ZRANB3: variants seen among roughly 807,000 people sequenced by gnomAD.
The protein encoded by ZRANB3 is zinc finger RANBP2-type containing 3.
In ZRANB3, 125 loss-of-function variants were observed where a neutral mutation model predicts 133.8. That is an observed-to-expected ratio of 0.93 (90% CI 0.81 to 1.08). The LOEUF is 1.08. ZRANB3 is among the 50% of genes least tolerant of loss of function. The pLI is 0.00. For missense variants in ZRANB3, 1,229 were observed against 1,275.5 expected, an observed-to-expected ratio of 0.96 and a Z score of 0.56; for synonymous variants, 387 against 432.7, an observed-to-expected ratio of 0.89 and a Z score of 1.31.
intron 13 of ZRANB3, among the ~76,000 whole-genome samples, chr2:135,229,614 G>A (rs1047026646): frequency 1.3e-4 from 20 of 152,034 alleles, no homozygotes; most frequent in Non-Finnish European, 2.4e-4. Context: ...TGATCCGCCC[G>A]CCTCGGCCTC....
intron 3 of ZRANB3, among the ~76,000 whole-genome samples, chr2:135,388,125 AT>A (rs1379964341): frequency 2.0e-5 from 3 of 152,206 alleles, no homozygotes; most frequent in Non-Finnish European, 4.4e-5. Flanking sequence ...GTAAGGTCAC[AT>A]CTTTTACACT....
chr2:135,256,485 G>A (rs1442825440), intron 12 of ZRANB3, among the ~76,000 whole-genome samples: 3 of 152,102 alleles, frequency 2.0e-5, no homozygotes, highest in African/African-American at 4.8e-5. Context: ...CAAGCCACCA[G>A]GCCCAGCTAA....
intron 12 of ZRANB3, among the ~76,000 whole-genome samples, chr2:135,232,917 C>G (rs1695101767): frequency 6.6e-6 from 1 of 152,180 alleles, no homozygotes; most frequent in African/African-American, 2.4e-5. Context: ...GAGCTCCTCA[C>G]CAGCAACGGA....
chr2:135,467,843 G>A (rs1691066828), intron 2 of ZRANB3, among the ~76,000 whole-genome samples: 3 of 152,230 alleles, frequency 2.0e-5, no homozygotes, highest in South Asian at 4.1e-4. Flanking sequence ...CACTGGCTTG[G>A]AATCAAAATG....
intron 2 of ZRANB3, among the ~76,000 whole-genome samples, chr2:135,403,425 G>A (rs1687839573): frequency 6.6e-6 from 1 of 152,220 alleles, no homozygotes; most frequent in East Asian, 1.9e-4. Flanking sequence ...CGCCATTGCG[G>A]AGGCTTGAGT....
chr2:135,392,061 CCTTT>C (rs1345018280), intron 2 of ZRANB3, among the ~76,000 whole-genome samples: 1 of 151,932 alleles, frequency 6.6e-6, no homozygotes, highest in Non-Finnish European at 1.5e-5. Context: ...ATCGGGTGTT[CCTTT>C]GAGACAGCAA....
chr2:135,266,495 G>A (rs1025589759), intron 11 of ZRANB3, among the ~76,000 whole-genome samples: 2 of 151,848 alleles, frequency 1.3e-5, no homozygotes, highest in South Asian at 2.1e-4. Context: ...GGCCAGGAGC[G>A]GTGGCTCATG....
chr2:135,491,210 T>G (rs1458920968), intron 2 of ZRANB3, among the ~76,000 whole-genome samples: 1 of 152,126 alleles, frequency 6.6e-6, no homozygotes, highest in Non-Finnish European at 1.5e-5. Flanking sequence ...ACTTAACTAT[T>G]TAAATAATCT....
chr2:135,491,284 G>A (rs1396448591), intron 2 of ZRANB3, among the ~76,000 whole-genome samples: 1 of 151,998 alleles, frequency 6.6e-6, no homozygotes, highest in Non-Finnish European at 1.5e-5. Flanking sequence ...CCTAACAGAA[G>A]GTAAAAGGGA....
intron 17 of ZRANB3, among the ~76,000 whole-genome samples, chr2:135,209,471 A>C (rs923190792): frequency 6.6e-6 from 1 of 152,222 alleles, no homozygotes; most frequent in East Asian, 1.9e-4. Flanking sequence ...ACCAGGTTCA[A>C]TCACATCTTC....
intron 12 of ZRANB3, among the ~76,000 whole-genome samples, chr2:135,232,847 AAC>A (rs1695097533): frequency 6.6e-6 from 1 of 152,176 alleles, no homozygotes; most frequent in South Asian, 2.1e-4. Flanking sequence ...ATGGGGAAAA[AAC>A]AGAGCAGAAA....
chr2:135,488,160 C>G (rs986519599), intron 2 of ZRANB3, among the ~76,000 whole-genome samples: 1 of 152,114 alleles, frequency 6.6e-6, no homozygotes, highest in Non-Finnish European at 1.5e-5. Context: ...GTCGGTGGAG[C>G]AGTTAGAACA....
chr2:135,277,581 T>G (rs1349490743), intron 8 of ZRANB3, among the ~76,000 whole-genome samples: 1 of 152,100 alleles, frequency 6.6e-6, no homozygotes, highest in Non-Finnish European at 1.5e-5. Context: ...CAGAAATGGA[T>G]AATTCATTGG....
chr2:135,344,000 T>C (rs780294241), intron 6 of ZRANB3, among the ~76,000 whole-genome samples: 3 of 152,204 alleles, frequency 2.0e-5, no homozygotes, highest in Non-Finnish European at 4.4e-5. Context: ...CCCTTTAAAC[T>C]AGCAATTTCA....
In ZRANB3 at chr2:135,511,226, A is replaced by C. The variant is rs561851850; in HGVS notation, c.-7-6730T>G. Reference sequence around the variant, plus strand: ...TCCTCAAGTCTTCCCATACTGTCTGAGATATGTCTGCAGGTGCTGGAGAAG... The same window carrying C: ...TCCTCAAGTCTTCCCATACTGTCTGCGATATGTCTGCAGGTGCTGGAGAAG... On this transcript the variant is annotated intron_variant, in intron 1 of 20. Transcript: ENST00000264159. The C allele has an allele frequency of 5.2e-5, 50 of 953,158 alleles. No individual in the cohort carries two copies. The South Asian group carries it at 6.4e-4, about 12-fold the overall frequency. The allele number at this position is 953,158 out of a possible 1,614,324, so 59.0% of individuals were successfully genotyped here. A position where few individuals can be genotyped will look rare whatever the true frequency, so the allele number is the denominator to read the frequency against.
At chr2:135,450,215 G>A (rs1466574709) in intron 2 of ZRANB3, among the ~76,000 whole-genome samples, 1 of 150,666 alleles carries the variant, frequency 6.6e-6, no homozygotes, top group Admixed American at 6.6e-5. Flanking sequence ...GCAGTAAGCC[G>A]AGATGACGCC....
intron 2 of ZRANB3, among the ~76,000 whole-genome samples, chr2:135,498,741 C>A (rs1466305604): frequency 6.6e-6 from 1 of 152,120 alleles, no homozygotes; most frequent in African/African-American, 2.4e-5. Flanking sequence ...AAGGGAAGGT[C>A]TCTAAAATGG....
chr2:135,255,517 C>T (rs946518631), intron 12 of ZRANB3, among the ~76,000 whole-genome samples: 1 of 152,172 alleles, frequency 6.6e-6, no homozygotes, highest in Non-Finnish European at 1.5e-5. Context: ...CATTCTAGTT[C>T]ATAAACAGGA....
chr2:135,384,232 T>A (rs1686857230), intron 3 of ZRANB3, among the ~76,000 whole-genome samples: 1 of 152,118 alleles, frequency 6.6e-6, no homozygotes, highest in Admixed American at 6.5e-5. Flanking sequence ...GCAAATAAAC[T>A]AGGAAATCTA....
Sources: allele counts gnomAD v4.1 joint callset (sites outside exome capture counted in the v4.1 genomes callset), GRCh38; gene constraint gnomAD v4.1.1; transcripts MANE v1.5; gene names NCBI Gene and HGNC (gene_info 2026-07-23, HGNC 2026-07-21).